The following TMEM236 variants were observed in gnomAD, a reference collection of about 807,000 sequenced individuals.
The protein encoded by TMEM236 is transmembrane protein 236, also known as family with sequence similarity 23, member A.
Under a neutral mutation model 14.7 loss-of-function variants are expected in TMEM236, and 11 were observed. That is an observed-to-expected ratio of 0.75 (90% confidence interval 0.47 to 1.24). The LOEUF (loss-of-function observed/expected upper bound fraction) is 1.24, where lower values mean the gene tolerates loss of function less well. TMEM236 is among the 50% of genes most tolerant of loss of function. The pLI is 0.00. For synonymous variants in TMEM236, 182 were observed against 168.6 expected (o/e 1.08, Z -0.62); for missense variants, 464 against 427.3 (o/e 1.09, Z -0.76).
At chr10:17,759,935 A>G (rs917029811) in intron 1 of TMEM236, among the ~76,000 whole-genome samples, 19 of 140,996 alleles carry the variant, frequency 1.3e-4, no homozygotes, top group African/African-American at 3.9e-4. Flanking sequence ...GTGAGCCGAG[A>G]TAGCGCCGCT....
Position 17,784,153 on chromosome 10 carries a change from C to T in TMEM236, c.472+7983C>T, listed in dbSNP as rs955891593. 3.3e-5 allele frequency among the ~76,000 whole-genome samples: 5 copies of T among 152,112 alleles called. No individual in the cohort carries two copies. The East Asian group carries it at 9.6e-4, about 29-fold the overall frequency. ...AGTTATGCTTAAAAAGTCTTTTTTT[C>T]ACTACAAGTAAAAATTATTTACCAA... On this transcript the variant is annotated intron_variant, in intron 3 of 3. Coordinates refer to ENST00000377495, the MANE Select transcript of TMEM236 (RefSeq NM_001098844.3).
chr10:17,771,429 A>T, intron 2 of TMEM236, 48 bp downstream of exon 2: 2 of 1,566,410 alleles, frequency 1.3e-6, no homozygotes, highest in Non-Finnish European at 1.8e-6. Flanking sequence ...AGATTTTATA[A>T]TTTCTTGTTA....
At chr10:17,792,951 C>T (rs1435779408) in intron 3 of TMEM236, among the ~76,000 whole-genome samples, 1 of 152,174 alleles carries the variant, frequency 6.6e-6, no homozygotes, top group Non-Finnish European at 1.5e-5. Flanking sequence ...TACTTTGCTC[C>T]GAGATGTGCT....
intron 2 of TMEM236, among the ~76,000 whole-genome samples, chr10:17,774,627 G>A (rs1175976570): frequency 6.6e-6 from 1 of 151,682 alleles, no homozygotes; most frequent in Non-Finnish European, 1.5e-5. Flanking sequence ...ATCCAGAAGA[G>A]TAAATCTTCC....
intron 1 of TMEM236, among the ~76,000 whole-genome samples, chr10:17,764,775 G>T (rs1480492455): frequency 6.6e-6 from 1 of 151,116 alleles, no homozygotes; most frequent in African/African-American, 2.4e-5. Context: ...TCTTCACATG[G>T]CATTCTTCCT....
intron 2 of TMEM236, among the ~76,000 whole-genome samples, chr10:17,774,814 CTCTCTCTCTT>C (rs1837633470): frequency 6.6e-6 from 1 of 151,250 alleles, no homozygotes; most frequent in African/African-American, 2.4e-5. Flanking sequence ...CTCTCTCTCT[CTCTCTCTCTT>C]TCTCTCACTC....
chr10:17,772,673 A>G (rs1211755421), intron 2 of TMEM236, among the ~76,000 whole-genome samples: 1 of 152,242 alleles, frequency 6.6e-6, no homozygotes, highest in Admixed American at 6.5e-5. Flanking sequence ...GTAACAATGG[A>G]ATACCACAAA....
At chr10:17,756,299 T>TC (rs1837283117) in intron 1 of TMEM236, among the ~76,000 whole-genome samples, 1 of 146,716 alleles carries the variant, frequency 6.8e-6, no homozygotes, top group African/African-American at 2.7e-5. Flanking sequence ...CCTCATAAAG[T>TC]ATTTTTTTTC....
In TMEM236 at chr10:17,793,198, T is replaced by C. The variant is rs894602295; in HGVS notation, c.473-2723T>C. Among the ~76,000 whole-genome samples, 28 of 152,330 alleles carry C rather than the reference T, an allele frequency of 1.8e-4. No individual in the cohort carries two copies. The East Asian group carries it at 4.8e-3, about 26-fold the overall frequency. ...AAACCAAACTCCAGCTAAGAATTCA[T>C]TGTTCATAGCAGCTGCTCTTAGCAT... is the stretch of plus-strand genomic sequence containing the variant. On this transcript the variant is annotated intron_variant, in intron 3 of 3. Coordinates refer to ENST00000377495, the MANE Select transcript of TMEM236 (RefSeq NM_001098844.3).
chr10:17,783,372 G>A (rs2131759487), intron 3 of TMEM236, among the ~76,000 whole-genome samples: 1 of 152,280 alleles, frequency 6.6e-6, no homozygotes, highest in Non-Finnish European at 1.5e-5. Context: ...GCTGGCTAGA[G>A]GTGAGGTCAA....
intron 3 of TMEM236, 31 bp from the exon 4 acceptor site, chr10:17,795,890 A>G (rs1838003692): frequency 6.2e-7 from 1 of 1,602,900 alleles, no homozygotes; most frequent in Non-Finnish European, 8.5e-7. Context: ...CATTTTAAAA[A>G]CTAAAATGTA....
In TMEM236 at chr10:17,768,085, G is replaced by GTTTTTTTTTTTTT. The variant is rs1181734908; in HGVS notation, c.258-3224_258-3223insTTTTTTTTTTTTT. Among the ~76,000 whole-genome samples, 70 of 98,820 alleles carry GTTTTTTTTTTTTT rather than the reference G, an allele frequency of 7.1e-4. 16 individuals carry two copies. The highest frequency in any genetic ancestry group is 2.4e-3 in the African/African-American group (59 of 24,810). The allele number at this position is 98,820 out of a possible 152,430, so 64.8% of individuals were successfully genotyped here. The stretch of plus-strand genomic sequence containing the variant: ...ACCACCACACCTCGCTAATTTTTGT[G>GTTTTTTTTTTTTT]GTTTTTTTTTTTTTTTTTTTTTTGT... On this transcript the variant is annotated intron_variant, in intron 1 of 3. Coordinates refer to ENST00000377495, the MANE Select transcript of TMEM236 (RefSeq NM_001098844.3).
In TMEM236 at chr10:17,796,017, A is replaced by G. The variant is rs1400167228; in HGVS notation, c.569A>G (p.Gln190Arg). Reference sequence around the variant, plus strand: ...AGTCCAGAAAACGCTGCATCTCCCCAGGCAACCAACAGCACCCAGGTGTCG... The same window carrying G: ...AGTCCAGAAAACGCTGCATCTCCCCGGGCAACCAACAGCACCCAGGTGTCG... ...RQSPENAASP[Q>R]ATNSTQVSQP... The change falls in exon 4 of 4, where the codon CAG (glutamine) becomes CGG (arginine). Residue 190 changes from glutamine (Q) to arginine (R), a missense_variant. Transcript: ENST00000377495. 2.5e-6 allele frequency: 4 copies of G among 1,613,942 alleles called. No individual in the cohort carries two copies. The Admixed American group carries it at 5.0e-5, about 20-fold the overall frequency.
At chr10:17,765,172 C>T (rs1333510858) in intron 1 of TMEM236, among the ~76,000 whole-genome samples, 1 of 152,036 alleles carries the variant, frequency 6.6e-6, no homozygotes, top group Non-Finnish European at 1.5e-5. Flanking sequence ...AGAGTCTCCC[C>T]TTACACCCTG....
chr10:17,787,555 GGTTTTTTCCCCA>G (rs1837858854), intron 3 of TMEM236, among the ~76,000 whole-genome samples: 1 of 152,174 alleles, frequency 6.6e-6, no homozygotes, highest in African/African-American at 2.4e-5. Flanking sequence ...CCTTAGTGCA[GGTTTTTTCCCCA>G]GAATGCTCAT....
At chr10:17,781,619 G>T (rs888342478) in intron 3 of TMEM236, among the ~76,000 whole-genome samples, 1 of 151,902 alleles carries the variant, frequency 6.6e-6, no homozygotes, top group South Asian at 2.1e-4. Context: ...GGTGGCATGC[G>T]CCTGTAATAC....
intron 3 of TMEM236, among the ~76,000 whole-genome samples, chr10:17,787,525 T>C (rs1448161713): frequency 6.6e-6 from 1 of 152,248 alleles, no homozygotes; most frequent in Admixed American, 6.5e-5. Flanking sequence ...GGGCCGAGCT[T>C]TCATGCTTTG....
chr10:17,794,106 G>A (rs1361550369), intron 3 of TMEM236, among the ~76,000 whole-genome samples: 1 of 152,120 alleles, frequency 6.6e-6, no homozygotes, highest in Non-Finnish European at 1.5e-5. Context: ...TTAGTTACTT[G>A]TATAAAAGAA....
chr10:17,761,707 A>AG (rs1394882406), intron 1 of TMEM236, among the ~76,000 whole-genome samples: 4 of 151,632 alleles, frequency 2.6e-5, no homozygotes, highest in Non-Finnish European at 4.4e-5. Context: ...AAAAAAAAAA[A>AG]AAAAGAAAAG....
Sources: gnomAD v4.1 joint callset for allele counts (sites outside exome capture counted in the v4.1 genomes callset) on GRCh38, gnomAD v4.1.1 for gene constraint, MANE v1.5 for transcripts, NCBI Gene and HGNC (gene_info 2026-07-23, HGNC 2026-07-21) for gene names.